Variants in ACACA observed in about 807,000 individuals in gnomAD.
ACACA encodes the protein acetyl-CoA carboxylase alpha.
In ACACA, 103 loss-of-function variants were observed where a neutral mutation model predicts 296.1. The observed-to-expected ratio is 0.35, with a 90% CI of 0.30 to 0.41. The LOEUF (loss-of-function observed/expected upper bound fraction) is 0.41, where lower values mean the gene tolerates loss of function less well. ACACA is among the 10% of genes least tolerant of loss of function. ACACA has a pLI of 1.00. For synonymous variants in ACACA, 953 were observed against 1,038.6 expected (o/e 0.92, Z 1.58); for missense variants, 1,554 against 2,989.7 (o/e 0.52, Z 11.20).
At position 37,113,079 on chromosome 17, in the gene ACACA, G is replaced by C. The variant is rs764922052; in HGVS notation, c.6452+9C>G. 1.2e-6 allele frequency: 2 copies of C among 1,614,032 alleles called. No homozygotes were observed. Among genetic ancestry groups the C allele is most frequent in the South Asian group, 2.2e-5 (2 of 91,066 alleles). ...AAGGCAGTGAATGGAAATGTGGAAGGCACGCTACCTGCTTTCTCGGTCAGC... is the reference window on the plus strand; with the variant it reads ...AAGGCAGTGAATGGAAATGTGGAAGCCACGCTACCTGCTTTCTCGGTCAGC... On this transcript the variant is annotated intron_variant, in intron 51 of 55. Transcript: ENST00000616317. The surrounding 1 kb of genome is among the most constrained non-coding windows in gnomAD (Gnocchi z 4.0).
chr17:37,256,170 T>TA (rs1236297203), intron 14 of ACACA, among the ~76,000 whole-genome samples: 1 of 152,008 alleles, frequency 6.6e-6, no homozygotes, highest in Non-Finnish European at 1.5e-5. Context: ...ATTGTCAAAT[T>TA]AAAAAAAATT....
intron 5 of ACACA, among the ~76,000 whole-genome samples, chr17:37,282,916 G>GA (rs1196613885): frequency 1.3e-5 from 2 of 152,040 alleles, no homozygotes; most frequent in African/African-American, 4.8e-5. Flanking sequence ...AACGCATAAG[G>GA]AAAAAACAGC....
intron 3 of ACACA, among the ~76,000 whole-genome samples, chr17:37,304,968 A>T (rs1417132349): frequency 6.6e-6 from 1 of 152,138 alleles, no homozygotes; most frequent in Non-Finnish European, 1.5e-5. Context: ...ATATGTTTTT[A>T]AAAATTATTT....
intron 33 of ACACA, among the ~76,000 whole-genome samples, chr17:37,202,708 TATATACACAC>T (rs1449261509): frequency 0.013 from 288 of 21,570 alleles, no homozygotes; most frequent in African/African-American, 0.016. Context: ...TATATATATA[TATATACACAC>T]ACACATATAT....
intron 14 of ACACA, among the ~76,000 whole-genome samples, chr17:37,257,028 A>G (rs1252148448): frequency 6.6e-6 from 1 of 152,154 alleles, no homozygotes; most frequent in Non-Finnish European, 1.5e-5. Context: ...TACCTCCTTC[A>G]GCCCTATGTT....
intron 16 of ACACA, among the ~76,000 whole-genome samples, chr17:37,249,942 C>T (rs1156392079): frequency 6.6e-6 from 1 of 152,228 alleles, no homozygotes; most frequent in Non-Finnish European, 1.5e-5. Flanking sequence ...CTCACGAGAG[C>T]TGATCATTTT....
At chr17:37,129,921 C>A (rs2075007807) in intron 46 of ACACA, among the ~76,000 whole-genome samples, 154 bp downstream of exon 46, 1 of 152,092 alleles carries the variant, frequency 6.6e-6, no homozygotes, top group African/African-American at 2.4e-5. Context: ...CAAAATATGG[C>A]TGTAAGGAAA....
chr17:37,388,543 C>A, intron 1 of ACACA: 1 of 1,115,794 alleles, frequency 9.0e-7, no homozygotes, highest in Non-Finnish European at 1.3e-6. Context: ...GAAATTCTGC[C>A]TCTGCCTCTG....
rs139517026 is a variant in ACACA at position 37,115,255 on chromosome 17, T to C, written c.6275-1990A>G. 3.7e-4 allele frequency among the ~76,000 whole-genome samples: 57 copies of C among 152,398 alleles called. No homozygotes were observed. The East Asian group carries it at 0.011, about 29-fold the overall frequency. On this transcript the variant is annotated intron_variant, in intron 50 of 55. Transcript: ENST00000616317. ...GTGCTTTACGCTAATTCTGTAGTTA[T>C]GAAAATAATTGCTCAGTTCAAATTA...
intron 44 of ACACA, among the ~76,000 whole-genome samples, chr17:37,150,479 T>C (rs1296411955): frequency 1.3e-5 from 2 of 151,586 alleles, no homozygotes; most frequent in African/African-American, 4.9e-5. Context: ...GAGGCAGAGG[T>C]TGCAGTGAGC....
At chr17:37,339,263 C>G (rs2048278674) in intron 2 of ACACA, among the ~76,000 whole-genome samples, 1 of 152,178 alleles carries the variant, frequency 6.6e-6, no homozygotes, top group Non-Finnish European at 1.5e-5. Flanking sequence ...GATGACCACA[C>G]ACAAAAGAGA....
chr17:37,353,200 G>GC (rs2147501744), intron 1 of ACACA, among the ~76,000 whole-genome samples: 1 of 152,174 alleles, frequency 6.6e-6, no homozygotes, highest in African/African-American at 2.4e-5. Context: ...ACAGGACCCA[G>GC]CAATTCATTT....
chr17:37,111,828 A>G (rs2073987142), intron 51 of ACACA, among the ~76,000 whole-genome samples, 185 bp from the exon 52 acceptor site: 1 of 152,176 alleles, frequency 6.6e-6, no homozygotes, highest in Non-Finnish European at 1.5e-5. Context: ...TAAGTGAGGT[A>G]TGAGAAAGGC....
At chr17:37,179,067 T>C (rs987649614) in intron 41 of ACACA, among the ~76,000 whole-genome samples, 193 bp downstream of exon 41, 3 of 152,210 alleles carry the variant, frequency 2.0e-5, no homozygotes, top group Non-Finnish European at 4.4e-5. Context: ...CAATACTATT[T>C]TAAAAAGCAA....
Position 37,246,913 on chromosome 17 carries a change from C to T in ACACA, c.2373G>A (p.Met791Ile). Residue 791 changes from methionine to isoleucine, a missense_variant, in exon 19 of 56, where the codon ATG (methionine) becomes ATA (isoleucine). By Grantham distance (10) the Met-to-Ile change is conservative. Around this residue, in one of 16 missense-constraint regions of ACACA, gnomAD observed 316 missense variants for 540.9 expected, o/e 0.58. Transcript: ENST00000616317. ...VFEKENDPSV[M>I]RSPSAGKLIQ... is the part of the protein sequence containing the mutation. The stretch of plus-strand genomic sequence containing the variant: ...TTAACTTCCCAGCAGAAGGTGAGCG[C>T]ATCACCGATGGGTCATTTTCCTTCT... 6.2e-7 allele frequency: 1 copy of T among 1,614,088 alleles called. No individual in the cohort carries two copies. Among genetic ancestry groups the T allele is most frequent in the South Asian group, 1.1e-5 (1 of 91,074 alleles).
At chr17:37,243,676 A>T in intron 21 of ACACA, 117 bp from the exon 22 acceptor site, 1 of 1,068,764 alleles carries the variant, frequency 9.4e-7, no homozygotes. Context: ...CCACTCATAT[A>T]TGAAAATCTG....
At chr17:37,344,278 C>G (rs1232296288) in intron 1 of ACACA, among the ~76,000 whole-genome samples, 1 of 151,664 alleles carries the variant, frequency 6.6e-6, no homozygotes, top group East Asian at 1.9e-4. Context: ...GTGGGTTGGG[C>G]CGGGCATGGC....
At chr17:37,250,659 C>T (rs771639480) in intron 16 of ACACA, among the ~76,000 whole-genome samples, 3 of 150,536 alleles carry the variant, frequency 2.0e-5, no homozygotes, top group Non-Finnish European at 4.4e-5. Context: ...TAAGATTAAA[C>T]GCGAAAAAAT....
At chr17:37,129,951 A>G (rs2075009630) in intron 46 of ACACA, 124 bp downstream of exon 46, 1 of 1,352,176 alleles carries the variant, frequency 7.4e-7, no homozygotes, top group Non-Finnish European at 1.1e-6. Flanking sequence ...AATAGCTTTC[A>G]GAGAAATATT....
Sources: allele counts gnomAD v4.1 joint callset (sites outside exome capture counted in the v4.1 genomes callset), GRCh38; gene constraint gnomAD v4.1.1; regional missense constraint gnomAD v4.1.1; non-coding constraint Gnocchi (gnomAD v3.1); transcripts MANE v1.5; gene names NCBI Gene and HGNC (gene_info 2026-07-23, HGNC 2026-07-21).